Variants in RBFOX1 observed in about 807,000 individuals in gnomAD.
The protein encoded by RBFOX1 is RNA binding fox-1 homolog 1.
In RBFOX1, 8 loss-of-function variants were observed where a neutral mutation model predicts 57.7. That is an observed-to-expected ratio of 0.14 (90% CI 0.08 to 0.25). The LOEUF (loss-of-function observed/expected upper bound fraction) is 0.25, where lower values mean the gene tolerates loss of function less well. Among genes scored for constraint, RBFOX1 ranks in the 10% least tolerant of loss-of-function variants. The probability of loss-of-function intolerance (pLI) is 1.00; values close to 1 mark genes in which losing one functional copy is unlikely to be tolerated. For synonymous variants in RBFOX1, 326 were observed against 222.4 expected (o/e 1.47, Z -4.15); for missense variants, 611 against 548.5 (o/e 1.11, Z -1.14).
rs138635360 is a variant in RBFOX1, at chr16:7,388,725, A to G, written c.28-129422A>G. Among the ~76,000 whole-genome samples the G allele has an allele frequency of 1.0e-3, 151 of 147,752 alleles. 5 individuals are homozygous for G. The East Asian group carries it at 0.029, about 28-fold the overall frequency. On this transcript the variant is annotated intron_variant, in intron 4 of 15. Coordinates refer to ENST00000550418, the MANE Select transcript of RBFOX1 (RefSeq NM_018723.4). ...TTTTTCACATTTGGTATGGTATTCA[A>G]TGAATTCCACGAGATATTCAATACT...
At chr16:7,499,196 A>G (rs758870190) in intron 4 of RBFOX1, among the ~76,000 whole-genome samples, 13 of 152,284 alleles carry the variant, frequency 8.5e-5, no homozygotes, top group Non-Finnish European at 8.8e-5. Flanking sequence ...TGGGAGGACA[A>G]TCTGCCCCAT....
chr16:5,383,597 T>C (rs989210855), intron 1 of RBFOX1, among the ~76,000 whole-genome samples: 3 of 152,220 alleles, frequency 2.0e-5, no homozygotes, highest in Non-Finnish European at 4.4e-5. Flanking sequence ...TAGGAATGCA[T>C]AGTAAGTCCC....
At chr16:7,158,084 C>G (rs976344801) in intron 4 of RBFOX1, among the ~76,000 whole-genome samples, 1 of 152,098 alleles carries the variant, frequency 6.6e-6, no homozygotes, top group Non-Finnish European at 1.5e-5. Context: ...CGCGGTAGCT[C>G]AAGCCTGTAA....
At chr16:6,112,294 A>G (rs78354929) in intron 1 of RBFOX1, among the ~76,000 whole-genome samples, 44 of 152,334 alleles carry the variant, frequency 2.9e-4, no homozygotes, top group African/African-American at 9.6e-4. Context: ...TGAATATAGT[A>G]AATGGTCCTT....
At chr16:6,736,768 A>T (rs1234561181) in intron 3 of RBFOX1, among the ~76,000 whole-genome samples, 1 of 152,202 alleles carries the variant, frequency 6.6e-6, no homozygotes, top group Non-Finnish European at 1.5e-5. Flanking sequence ...ACAGGTTGTG[A>T]TTTGTAGCAG....
At chr16:6,972,922 G>C (rs575620904) in intron 3 of RBFOX1, among the ~76,000 whole-genome samples, 4 of 152,078 alleles carry the variant, frequency 2.6e-5, no homozygotes, top group African/African-American at 9.7e-5. Context: ...TCAGGAGTTC[G>C]AGGCCAACTT....
chr16:6,665,144 T>C (rs1340294952), intron 3 of RBFOX1, among the ~76,000 whole-genome samples: 3 of 152,210 alleles, frequency 2.0e-5, no homozygotes, highest in African/African-American at 7.2e-5. Context: ...CCACCAGCTG[T>C]ATTAACTCCC....
intron 2 of RBFOX1, among the ~76,000 whole-genome samples, chr16:5,537,357 A>T (rs927591369): frequency 3.3e-5 from 5 of 152,192 alleles, no homozygotes; most frequent in African/African-American, 1.2e-4. Flanking sequence ...CGAAATAGGT[A>T]TTAGTTTTCT....
intron 3 of RBFOX1, among the ~76,000 whole-genome samples, chr16:5,865,310 A>G (rs2057320415): frequency 6.6e-6 from 1 of 152,124 alleles, no homozygotes; most frequent in African/African-American, 2.4e-5. Flanking sequence ...GCTGATCACC[A>G]TGGAATCAGC....
intron 4 of RBFOX1, among the ~76,000 whole-genome samples, chr16:7,350,240 G>T (rs1215655093): frequency 6.6e-6 from 1 of 152,166 alleles, no homozygotes; most frequent in African/African-American, 2.4e-5. Flanking sequence ...TGATTGACAA[G>T]TAGGTGCCAG....
At chr16:5,590,148 G>C (rs2046960721) in intron 2 of RBFOX1, among the ~76,000 whole-genome samples, 1 of 152,148 alleles carries the variant, frequency 6.6e-6, no homozygotes, top group Admixed American at 6.6e-5. Context: ...GACTTACTGA[G>C]AGGAGATTAA....
At chr16:7,477,796 G>T (rs1272130617) in intron 4 of RBFOX1, among the ~76,000 whole-genome samples, 1 of 152,160 alleles carries the variant, frequency 6.6e-6, no homozygotes, top group Admixed American at 6.5e-5. Flanking sequence ...CAGCTGGGGG[G>T]AAGGTAGGTG....
chr16:6,450,053 A>G (rs1414403535), intron 2 of RBFOX1, among the ~76,000 whole-genome samples: 4 of 152,046 alleles, frequency 2.6e-5, no homozygotes, highest in Admixed American at 1.3e-4. Flanking sequence ...ATCTTTAAGG[A>G]GATAGTAAGA....
intron 3 of RBFOX1, among the ~76,000 whole-genome samples, chr16:7,007,877 C>G (rs1231305089): frequency 1.3e-5 from 2 of 152,194 alleles, no homozygotes; most frequent in African/African-American, 2.4e-5. Flanking sequence ...TCAACATGGA[C>G]TTGTAAGAAC....
chr16:5,815,664 G>C (rs754699277), intron 3 of RBFOX1, among the ~76,000 whole-genome samples: 3 of 152,136 alleles, frequency 2.0e-5, no homozygotes, highest in African/African-American at 4.8e-5. Context: ...GTGTGTGAAG[G>C]TCCTCAAAGA....
chr16:5,459,375 C>A (rs1012055799), intron 1 of RBFOX1, among the ~76,000 whole-genome samples: 1 of 152,134 alleles, frequency 6.6e-6, no homozygotes, highest in African/African-American at 2.4e-5. Context: ...TTGTGGGACC[C>A]CAGGTGGATT....
chr16:6,764,553 G>C (rs917927801), intron 3 of RBFOX1, among the ~76,000 whole-genome samples: 4 of 152,168 alleles, frequency 2.6e-5, no homozygotes, highest in Non-Finnish European at 5.9e-5. Flanking sequence ...ATAAGGACAT[G>C]GTTTCTGTCC....
At chr16:5,384,217 G>T (rs939169339) in intron 1 of RBFOX1, among the ~76,000 whole-genome samples, 2 of 152,188 alleles carry the variant, frequency 1.3e-5, no homozygotes, top group African/African-American at 4.8e-5. Flanking sequence ...CAGGCTTCTT[G>T]CAGAGGTCAG....
rs547706096 is a variant in RBFOX1 at position 6,953,509 on chromosome 16, C to T, written c.-15-98548C>T. Among the ~76,000 whole-genome samples the T allele has an allele frequency of 3.3e-5, 5 of 152,186 alleles. No individual in the cohort carries two copies. The East Asian group carries it at 5.8e-4, about 18-fold the overall frequency. On this transcript the variant is annotated intron_variant, in intron 3 of 15. Transcript: ENST00000550418. Reference sequence around the variant, plus strand: ...CAAGCGATTCTTCTGCTTCAGCCTCCCGAGTAGCTGGGATTACGGGGGTGT... The same window carrying T: ...CAAGCGATTCTTCTGCTTCAGCCTCTCGAGTAGCTGGGATTACGGGGGTGT...
Sources: gnomAD v4.1 joint callset for allele counts (sites outside exome capture counted in the v4.1 genomes callset) on GRCh38, gnomAD v4.1.1 for gene constraint, MANE v1.5 for transcripts, NCBI Gene and HGNC (gene_info 2026-07-23, HGNC 2026-07-21) for gene names.